The following TRPM3 variants were observed in gnomAD, a reference collection of about 807,000 sequenced individuals.
The protein encoded by TRPM3 is long transient receptor potential channel 3.
Under a neutral mutation model 181.2 loss-of-function variants are expected in TRPM3, and 77 were observed. That is an observed-to-expected ratio of 0.42 (90% CI 0.35 to 0.51). The LOEUF (loss-of-function observed/expected upper bound fraction) is 0.51, where lower values mean the gene tolerates loss of function less well. Ranked by LOEUF, TRPM3 falls within the 20% of genes least tolerant of loss-of-function variation. TRPM3 has a pLI of 0.01. For missense variants in TRPM3, 1,759 were observed against 2,196.7 expected (o/e 0.80, Z 3.98); for synonymous variants, 745 against 796.4 (o/e 0.94, Z 1.09).
In TRPM3 at chr9:70,840,868, T is replaced by A. The variant is rs188250632; in HGVS notation, c.801+2135A>T. 2.9e-4 allele frequency among the ~76,000 whole-genome samples: 44 copies of A among 152,274 alleles called. No individual in the cohort carries two copies. The East Asian group carries it at 7.3e-3, about 25-fold the overall frequency. On this transcript the variant is annotated intron_variant, in intron 5 of 25. Transcript: ENST00000677713. ...ATTTAGTTACTCTATCTTGCATAAA[T>A]AAATAATCAACTGCCATTTATTCAC...
intron 1 of TRPM3, among the ~76,000 whole-genome samples, chr9:71,164,163 TGTCACCA>T (rs2076413266): frequency 6.6e-6 from 1 of 152,214 alleles, no homozygotes; most frequent in African/African-American, 2.4e-5. Flanking sequence ...TAATTCATCA[TGTCACCA>T]GTTGGCTGGA....
intron 1 of TRPM3, among the ~76,000 whole-genome samples, chr9:71,109,986 A>C (rs553836814): frequency 3.2e-4 from 49 of 152,264 alleles, no homozygotes; most frequent in African/African-American, 1.1e-3. Flanking sequence ...TGTACATTTC[A>C]ATATATATAT....
At chr9:71,100,814 AC>A (rs1368009208) in intron 1 of TRPM3, among the ~76,000 whole-genome samples, 1 of 152,150 alleles carries the variant, frequency 6.6e-6, no homozygotes, top group Non-Finnish European at 1.5e-5. Context: ...TTTGCCTTAC[AC>A]AAAGTAAATG....
At chr9:71,323,334 A>C (rs769083404) in intron 1 of TRPM3, among the ~76,000 whole-genome samples, 69 of 152,186 alleles carry the variant, frequency 4.5e-4, no homozygotes, top group Non-Finnish European at 6.3e-4. Context: ...TCTCTAAAGT[A>C]GTCTTTTTCT....
intron 7 of TRPM3, among the ~76,000 whole-genome samples, chr9:70,772,016 T>G (rs1026359492): frequency 9.2e-5 from 14 of 152,100 alleles, no homozygotes; most frequent in African/African-American, 3.4e-4. Context: ...AAAATATCTA[T>G]CGAATGACTA....
chr9:71,409,748 C>T (rs910653104), intron 1 of TRPM3, among the ~76,000 whole-genome samples: 1 of 152,126 alleles, frequency 6.6e-6, no homozygotes, highest in African/African-American at 2.4e-5. Context: ...CAGCTCTATA[C>T]CAAGTGGACC....
At chr9:71,080,750 A>G (rs1477342486) in intron 1 of TRPM3, among the ~76,000 whole-genome samples, 1 of 152,184 alleles carries the variant, frequency 6.6e-6, no homozygotes, top group Non-Finnish European at 1.5e-5. Flanking sequence ...TAAATAGCAA[A>G]TAAAAACACC....
chr9:71,009,358 A>G (rs1245300498), intron 1 of TRPM3, among the ~76,000 whole-genome samples: 3 of 152,210 alleles, frequency 2.0e-5, no homozygotes, highest in Admixed American at 6.5e-5. Flanking sequence ...AATCTTCACC[A>G]AAAAACTGGT....
intron 1 of TRPM3, among the ~76,000 whole-genome samples, chr9:70,891,809 T>C (rs1375300164): frequency 6.6e-6 from 1 of 152,188 alleles, no homozygotes; most frequent in Non-Finnish European, 1.5e-5. Flanking sequence ...TTGTCATTTT[T>C]GTCCCCACAT....
At chr9:70,934,438 T>C (rs2096805279) in intron 1 of TRPM3, among the ~76,000 whole-genome samples, 1 of 152,162 alleles carries the variant, frequency 6.6e-6, no homozygotes, top group African/African-American at 2.4e-5. Context: ...AAAAAGATGG[T>C]AGCTGCATAT....
At chr9:70,636,505 C>T (rs543184787) in intron 11 of TRPM3, among the ~76,000 whole-genome samples, 118 of 152,176 alleles carry the variant, frequency 7.8e-4, no homozygotes, top group Non-Finnish European at 1.4e-3. Flanking sequence ...CAGATAAAAT[C>T]CAAGATGCCT....
At chr9:71,130,680 C>A (rs2134454096) in intron 1 of TRPM3, among the ~76,000 whole-genome samples, 1 of 152,232 alleles carries the variant, frequency 6.6e-6, no homozygotes, top group East Asian at 1.9e-4. Flanking sequence ...CAGCATCCAG[C>A]CAAAGCCATC....
intron 25 of TRPM3, among the ~76,000 whole-genome samples, chr9:70,546,230 T>A (rs2131741970): frequency 6.6e-6 from 1 of 152,324 alleles, no homozygotes; most frequent in East Asian, 1.9e-4. Flanking sequence ...CATCAGTGGT[T>A]ATTAAAGTAT....
chr9:70,673,904 G>A (rs1024671134), intron 9 of TRPM3, among the ~76,000 whole-genome samples: 20 of 144,176 alleles, frequency 1.4e-4, no homozygotes, highest in Admixed American at 4.3e-4. Flanking sequence ...AGCCAAGATC[G>A]TGCCATTGCA....
At position 71,415,554 on chromosome 9, in the gene TRPM3, T is replaced by C. The variant is rs969044658; in HGVS notation, c.183+31099A>G. Among the ~76,000 whole-genome samples, 5 of 152,152 alleles carry C rather than the reference T, an allele frequency of 3.3e-5. No homozygotes were observed. The South Asian group carries it at 1.0e-3, about 32-fold the overall frequency. ...ACACTAAGATATACTTTTAAGGAAA[T>C]AAATCACCTAGTAAGTTTTAGAAGT... On this transcript the variant is annotated intron_variant, in intron 1 of 24. Coordinates refer to the TRPM3 transcript ENST00000357533.
chr9:71,247,837 G>A (rs1430084258), intron 1 of TRPM3, among the ~76,000 whole-genome samples: 2 of 152,122 alleles, frequency 1.3e-5, no homozygotes, highest in African/African-American at 2.4e-5. Flanking sequence ...TCATGAAATA[G>A]GGTTTAAAAC....
intron 1 of TRPM3, among the ~76,000 whole-genome samples, chr9:71,043,063 A>G (rs2059014723): frequency 6.6e-6 from 1 of 152,194 alleles, no homozygotes. Context: ...GTCCTTGCAG[A>G]TTTATGTGAA....
At chr9:70,971,797 C>A (rs2097250260) in intron 1 of TRPM3, among the ~76,000 whole-genome samples, 2 of 151,986 alleles carry the variant, frequency 1.3e-5, no homozygotes, top group African/African-American at 4.8e-5. Context: ...ATTACAAAGA[C>A]CTAAAGCAAA....
At chr9:70,742,469 G>T in intron 8 of TRPM3, among the ~76,000 whole-genome samples, 1 of 152,026 alleles carries the variant, frequency 6.6e-6, no homozygotes, top group Non-Finnish European at 1.5e-5. Context: ...CTAGCTGTTT[G>T]AACTATGTGT....
Sources: allele counts gnomAD v4.1 joint callset (sites outside exome capture counted in the v4.1 genomes callset), GRCh38; gene constraint gnomAD v4.1.1; transcripts MANE v1.5; gene names NCBI Gene and HGNC (gene_info 2026-07-23, HGNC 2026-07-21).